The following GFM1 variants were observed in gnomAD, a reference collection of about 807,000 sequenced individuals.
The protein encoded by GFM1 is elongation factor G, mitochondrial.
Under a neutral mutation model 96.2 loss-of-function variants are expected in GFM1, and 62 were observed. The ratio of observed to expected loss-of-function variants is 0.64; its 90% CI spans 0.53 to 0.80. GFM1 has a LOEUF of 0.80. Ranked by LOEUF, GFM1 falls within the 30% of genes least tolerant of loss-of-function variation. GFM1 has a pLI of 0.00. For missense variants in GFM1, 852 were observed against 916.6 expected, an observed-to-expected ratio of 0.93 and a Z score of 0.91; for synonymous variants, 282 against 312.9, an observed-to-expected ratio of 0.90 and a Z score of 1.04.
intron 9 of GFM1, among the ~76,000 whole-genome samples, chr3:158,659,684 G>A (rs997042707): frequency 1.3e-5 from 2 of 152,122 alleles, no homozygotes; most frequent in Non-Finnish European, 2.9e-5. Context: ...GGCCTTGGAA[G>A]GAATACTGAG....
intron 4 of GFM1, among the ~76,000 whole-genome samples, chr3:158,648,663 GC>G (rs1313138547): frequency 1.4e-5 from 2 of 140,980 alleles, no homozygotes; most frequent in Non-Finnish European, 3.0e-5. Context: ...TGGCAACAGG[GC>G]GAGACTCTTG....
At chr3:158,680,930 G>A (rs1178502725) in intron 13 of GFM1, among the ~76,000 whole-genome samples, 1 of 152,140 alleles carries the variant, frequency 6.6e-6, no homozygotes, top group Non-Finnish European at 1.5e-5. Context: ...AAACAGCCAT[G>A]GTTAGTTATT....
Position 158,693,550 on chromosome 3 carries a change from C to G in GFM1, c.*2083C>G, listed in dbSNP as rs1726441628. On this transcript the variant is annotated 3_prime_UTR_variant, in exon 18 of 18. Transcript: ENST00000486715. ...ATGGACAGATCAGGACTAGAACCCA[C>G]ATCTCTTTCTAAGTCATTAGTTATA... The G allele has an allele frequency of 6.6e-6, 1 of 152,200 alleles. No homozygotes were observed. The highest frequency in any genetic ancestry group is 2.4e-5 in the African/African-American group (1 of 41,448). The allele number at this position is 152,200 out of a possible 1,614,324, so 9.4% of individuals were successfully genotyped here. A position where few individuals can be genotyped will look rare whatever the true frequency, so the allele number is the denominator to read the frequency against.
rs377352238 is a variant in GFM1 at position 158,644,597 on chromosome 3, C to T, written c.-38C>T. 933 of 1,536,642 alleles carry T rather than the reference C, an allele frequency of 6.1e-4. 1 individual carries two copies. The highest frequency in any genetic ancestry group is 3.3e-3 in the Middle Eastern group (17 of 5,162). On this transcript the variant is annotated 5_prime_UTR_variant, in exon 1 of 18. Coordinates refer to ENST00000486715, the MANE Select transcript of GFM1 (RefSeq NM_024996.7). Reference sequence around the variant, plus strand: ...TGCGTTACCGGCAGCTGAACCCACCCGGCGCCACGGGACTTTGACGCGTGC... The same window carrying T: ...TGCGTTACCGGCAGCTGAACCCACCTGGCGCCACGGGACTTTGACGCGTGC...
At chr3:158,678,799 A>C (rs1479402397) in intron 13 of GFM1, among the ~76,000 whole-genome samples, 1 of 152,228 alleles carries the variant, frequency 6.6e-6, no homozygotes, top group Non-Finnish European at 1.5e-5. Context: ...ATGCTATCAA[A>C]CAGCGTCACA....
chr3:158,666,502 T>C, intron 13 of GFM1, 116 bp downstream of exon 13: 1 of 1,130,028 alleles, frequency 8.8e-7, no homozygotes, highest in Non-Finnish European at 1.3e-6. Flanking sequence ...CTTTGTATTA[T>C]GGACTCTATA....
At position 158,694,483 on chromosome 3, in the gene GFM1, T is replaced by C. The variant is rs566847162; in HGVS notation, c.*3016T>C. The stretch of plus-strand genomic sequence containing the variant: ...ATCAGGAAAAATAACTAATGGGTAC[T>C]AGGCTTAATACCTTGATGATGAAAT... On this transcript the variant is annotated 3_prime_UTR_variant, in exon 18 of 18. Coordinates refer to ENST00000486715, the MANE Select transcript of GFM1 (RefSeq NM_024996.7). 2.0e-5 allele frequency among the ~76,000 whole-genome samples: 3 copies of C among 152,244 alleles called. No homozygotes were observed. In the East Asian group the frequency reaches 5.8e-4, roughly 29 times the overall value.
rs1483484008 is a variant in GFM1, at chr3:158,684,639, T to C, written c.1880T>C (p.Ile627Thr). Reference sequence around the variant, plus strand: ...GTTGATTCTAATGAAATCTCTTTCATCCGAGCAGGAGAAGGTGCTCTTAAA... The same window carrying C: ...GTTGATTCTAATGAAATCTCTTTCACCCGAGCAGGAGAAGGTGCTCTTAAA... ...HMVDSNEISF[I>T]RAGEGALKQA... Residue 627 changes from isoleucine (I) to threonine (T), a missense_variant, in exon 15 of 18, where the codon ATC (isoleucine) becomes ACC (threonine). Transcript: ENST00000486715. 6.2e-7 allele frequency: 1 copy of C among 1,614,042 alleles called. No homozygotes were observed. Among genetic ancestry groups the C allele is most frequent in the East Asian group, 2.2e-5 (1 of 44,866 alleles).
chr3:158,660,970 T>C lies in GFM1; in HGVS notation c.1318T>C (p.Ser440Pro). The C allele has an allele frequency of 1.2e-6, 2 of 1,612,450 alleles. No homozygotes were observed. Among genetic ancestry groups the C allele is most frequent in the Non-Finnish European group, 1.7e-6 (2 of 1,178,444 alleles). Reference protein sequence around the residue: ...TFTDKANSGLSMESIHVPDPV... With the variant: ...TFTDKANSGLPMESIHVPDPV... Reference sequence around the variant, plus strand: ...CACAGACAAAGCCAACAGCGGCCTTTCTATGGTAAGCCATTTAATTTCAAA... The same window carrying C: ...CACAGACAAAGCCAACAGCGGCCTTCCTATGGTAAGCCATTTAATTTCAAA... Residue 440 changes from serine to proline, a missense_variant, in exon 10 of 18, where the codon TCT (serine) becomes CCT (proline). Coordinates refer to ENST00000486715, the MANE Select transcript of GFM1 (RefSeq NM_024996.7).
At chr3:158,666,850 G>A in intron 13 of GFM1, 1 of 1,409,916 alleles carries the variant, frequency 7.1e-7, no homozygotes, top group Non-Finnish European at 9.7e-7. Context: ...ACAAAGAATA[G>A]TACTTTTGTT....
rs1294508451 is a variant in GFM1, at chr3:158,693,842, AAG to A, written c.*2377_*2378del. 1.3e-5 allele frequency: 2 copies of A among 152,214 alleles called. No individual in the cohort carries two copies. Among genetic ancestry groups the A allele is most frequent in the African/African-American group, 4.8e-5 (2 of 41,450 alleles). 9.4% of individuals were successfully genotyped at this position (152,214 alleles called of 1,614,324 possible). ...GATATTTAGATTATTTGGCTGGATC[AAG>A]ATAAAAACTTTTTTGGGTGATTCTA... On this transcript the variant is annotated 3_prime_UTR_variant, in exon 18 of 18. Coordinates refer to ENST00000486715, the MANE Select transcript of GFM1 (RefSeq NM_024996.7).
chr3:158,672,635 G>T, intron 13 of GFM1: 1 of 842,612 alleles, frequency 1.2e-6, no homozygotes, highest in Non-Finnish European at 1.8e-6. Context: ...TTCCGACTCC[G>T]GAAGCTGCTG....
intron 13 of GFM1, among the ~76,000 whole-genome samples, chr3:158,671,849 G>A (rs1724350580): frequency 6.6e-6 from 1 of 152,176 alleles, no homozygotes; most frequent in Non-Finnish European, 1.5e-5. Context: ...AGCCCACAGT[G>A]CTTTTATTCT....
chr3:158,667,333 G>A (rs1723807775), intron 13 of GFM1, among the ~76,000 whole-genome samples: 1 of 152,134 alleles, frequency 6.6e-6, no homozygotes, highest in Non-Finnish European at 1.5e-5. Context: ...TAGTTTCCAA[G>A]TTGTGGTGGC....
At chr3:158,688,462 C>A (rs1201749997) in intron 15 of GFM1, among the ~76,000 whole-genome samples, 1 of 152,142 alleles carries the variant, frequency 6.6e-6, no homozygotes, top group African/African-American at 2.4e-5. Flanking sequence ...GTGATGGACA[C>A]CATATACTTG....
At chr3:158,646,594 A>C in intron 3 of GFM1, 149 bp from the exon 4 acceptor site, 1 of 778,874 alleles carries the variant, frequency 1.3e-6, no homozygotes, top group Middle Eastern at 3.6e-4. Context: ...CCTGCACCTA[A>C]GGGTTGGTGA....
intron 4 of GFM1, 22 bp downstream of exon 4, chr3:158,646,969 A>G: frequency 6.3e-7 from 1 of 1,584,838 alleles, no homozygotes; most frequent in Non-Finnish European, 8.7e-7. Flanking sequence ...TAGAATAAAC[A>G]AAGAGGATGT....
intron 15 of GFM1, among the ~76,000 whole-genome samples, chr3:158,688,421 CA>C (rs1456418882): frequency 1.3e-5 from 2 of 152,146 alleles, no homozygotes; most frequent in African/African-American, 4.8e-5. Context: ...GGATGTGAAA[CA>C]GAACCAGAAA....
chr3:158,655,670 T>C (rs9813980), intron 8 of GFM1: 86,474 of 220,778 alleles, frequency 0.39, 18,726 homozygotes, highest in African/African-American at 0.6. Context: ...AGAAAAGTTA[T>C]GAAGATAGTC....
Sources: allele counts gnomAD v4.1 joint callset (sites outside exome capture counted in the v4.1 genomes callset), GRCh38; gene constraint gnomAD v4.1.1; transcripts MANE v1.5; gene names NCBI Gene and HGNC (gene_info 2026-07-23, HGNC 2026-07-21).